Variants in FGF13 observed in about 807,000 individuals in gnomAD.
The protein encoded by FGF13 is fibroblast growth factor 13.
In FGF13, 2 loss-of-function variants were observed where a neutral mutation model predicts 19.5. The ratio of observed to expected loss-of-function variants is 0.10; its 90% CI spans 0.04 to 0.32. The LOEUF is 0.32. Among genes scored for constraint, FGF13 ranks in the 10% least tolerant of loss-of-function variants. FGF13 has a pLI of 1.00. For missense variants in FGF13, 113 were observed against 192.7 expected, an observed-to-expected ratio of 0.59 and a Z score of 2.45; for synonymous variants, 72 against 76.9, an observed-to-expected ratio of 0.94 and a Z score of 0.33.
chrX:138,619,937 A>C lies in FGF13; in HGVS notation c.*12913T>G, dbSNP rs1266575291. 3 of 112,119 alleles carry C rather than the reference A, an allele frequency of 2.7e-5. No homozygotes were observed. The highest frequency in any genetic ancestry group is 5.6e-5 in the Non-Finnish European group (3 of 53,317). 9.2% of individuals were successfully genotyped at this position (112,119 alleles called of 1,213,427 possible). On this transcript the variant is annotated 3_prime_UTR_variant, in exon 5 of 5. Coordinates refer to ENST00000315930, the MANE Select transcript of FGF13 (RefSeq NM_004114.5). The stretch of plus-strand genomic sequence containing the variant: ...TTCTCCGAGATCTAGAACCAGAAAT[A>C]ACATTTGACCCAGCAATCCCATTAC...
intron 1 of FGF13, among the ~76,000 whole-genome samples, chrX:138,960,470 A>C (rs1469255705): frequency 2.7e-5 from 3 of 111,216 alleles, no homozygotes; most frequent in Middle Eastern, 4.6e-3. Context: ...CCTTCATTTC[A>C]ACCTTGGTGA....
chrX:138,707,939 C>T (rs995766265), intron 2 of FGF13, among the ~76,000 whole-genome samples: 14 of 111,513 alleles, frequency 1.3e-4, no homozygotes, highest in Admixed American at 8.5e-4. Flanking sequence ...TTTTCTCAGC[C>T]GACAATTGGA....
chrX:138,700,926 C>T (rs2089940228), intron 3 of FGF13, among the ~76,000 whole-genome samples: 1 of 111,855 alleles, frequency 8.9e-6, no homozygotes, highest in African/African-American at 3.2e-5. Flanking sequence ...CTCACATTGA[C>T]ATTTACCAGT....
At chrX:139,192,449 A>C (rs1466974110) in intron 1 of FGF13, among the ~76,000 whole-genome samples, 1 of 111,850 alleles carries the variant, frequency 8.9e-6, no homozygotes, top group Non-Finnish European at 1.9e-5. Context: ...CTTTTCCTAA[A>C]ATTCTAATTC....
intron 2 of FGF13, among the ~76,000 whole-genome samples, chrX:138,704,191 G>A (rs899592383): frequency 7.2e-5 from 8 of 111,164 alleles, no homozygotes; most frequent in African/African-American, 9.8e-5. Context: ...GCAGCCAGTT[G>A]GTGCCAGTGA....
intron 1 of FGF13, among the ~76,000 whole-genome samples, chrX:138,919,170 AAACT>A (rs1458124789): frequency 3.6e-5 from 4 of 111,994 alleles, no homozygotes; most frequent in Non-Finnish European, 7.5e-5. Flanking sequence ...CACCACGTAC[AAACT>A]AACAGGTCAC....
At chrX:139,202,877 G>C (rs868728489) in intron 1 of FGF13, among the ~76,000 whole-genome samples, 94 of 111,420 alleles carry the variant, frequency 8.4e-4, no homozygotes, top group African/African-American at 2.9e-3. Flanking sequence ...ACTCGGCGTG[G>C]GTCGCTGCGG....
intron 3 of FGF13, among the ~76,000 whole-genome samples, chrX:138,689,318 A>C (rs925932112): frequency 1.8e-5 from 2 of 111,731 alleles, no homozygotes; most frequent in Non-Finnish European, 3.8e-5. Flanking sequence ...TTTTGATTTT[A>C]CATAATTACA....
chrX:139,090,658 G>T (rs761066887), intron 1 of FGF13, among the ~76,000 whole-genome samples: 124 of 110,974 alleles, frequency 1.1e-3, no homozygotes, highest in African/African-American at 3.8e-3. Context: ...CTGCATCTAA[G>T]GCCGAGTGTG....
At chrX:138,717,433 G>C (rs747500106) in intron 1 of FGF13, among the ~76,000 whole-genome samples, 2 of 111,417 alleles carry the variant, frequency 1.8e-5, no homozygotes, top group South Asian at 7.7e-4. Context: ...CTAGGTATGT[G>C]GGTTGGTTTC....
chrX:138,983,077 CT>C (rs1225968780), intron 1 of FGF13, among the ~76,000 whole-genome samples: 2 of 111,100 alleles, frequency 1.8e-5, no homozygotes, highest in Non-Finnish European at 3.8e-5. Flanking sequence ...CCTTTTCACT[CT>C]ATTATTTCCT....
intron 1 of FGF13, among the ~76,000 whole-genome samples, chrX:138,881,828 TC>T (rs2091426709): frequency 9.0e-6 from 1 of 111,250 alleles, no homozygotes; most frequent in East Asian, 2.8e-4. Flanking sequence ...TCTCAATTGT[TC>T]TGATCTTTTC....
downstream of FGF13, among the ~76,000 whole-genome samples, chrX:138,856,442 TGC>T (rs2091258494): frequency 8.9e-6 from 1 of 111,924 alleles, no homozygotes; most frequent in African/African-American, 3.2e-5. Flanking sequence ...TTAACCCACA[TGC>T]CAGTCTCTCC....
intron 1 of FGF13, among the ~76,000 whole-genome samples, chrX:138,949,832 A>C: frequency 8.9e-6 from 1 of 112,021 alleles, no homozygotes; most frequent in Non-Finnish European, 1.9e-5. Flanking sequence ...CAGAGCACAA[A>C]GGGCCTAGAA....
chrX:138,724,800 T>G (rs2090172870), intron 1 of FGF13, among the ~76,000 whole-genome samples: 1 of 111,603 alleles, frequency 9.0e-6, no homozygotes, highest in Non-Finnish European at 1.9e-5. Context: ...GATTGAATCC[T>G]GGAACAGAAA....
At chrX:138,960,935 T>A (rs1194439524) in intron 1 of FGF13, among the ~76,000 whole-genome samples, 1 of 111,575 alleles carries the variant, frequency 9.0e-6, no homozygotes, top group Admixed American at 9.5e-5. Context: ...GTTTTTAGCT[T>A]CCTGGCGATG....
chrX:138,692,643 C>T (rs999373653), intron 3 of FGF13, among the ~76,000 whole-genome samples: 2 of 110,901 alleles, frequency 1.8e-5, no homozygotes, highest in Non-Finnish European at 3.8e-5. Flanking sequence ...TAACTAGTGC[C>T]GTTATAGCAA....
chrX:139,004,211 C>T (rs930921327), intron 1 of FGF13, among the ~76,000 whole-genome samples: 1 of 112,756 alleles, frequency 8.9e-6, no homozygotes, highest in African/African-American at 3.2e-5. Context: ...TCGAGCGCAG[C>T]GCCGGTGGGC....
chrX:138,725,105 T>C (rs946374872), intron 1 of FGF13, among the ~76,000 whole-genome samples: 3 of 112,031 alleles, frequency 2.7e-5, no homozygotes, highest in Non-Finnish European at 5.7e-5. Flanking sequence ...TTCAATATGT[T>C]TTACAACTTA....
Sources: gnomAD v4.1 joint callset for allele counts (sites outside exome capture counted in the v4.1 genomes callset) on GRCh38, gnomAD v4.1.1 for gene constraint, MANE v1.5 for transcripts, NCBI Gene and HGNC (gene_info 2026-07-23, HGNC 2026-07-21) for gene names.